Variants in CNTN4 observed in about 807,000 individuals in gnomAD.
CNTN4 encodes contactin 4, also known as contactin-4.
CNTN4 carries 77 observed loss-of-function variants against 122.5 expected under a neutral mutation model. The ratio of observed to expected loss-of-function variants is 0.63; its 90% confidence interval spans 0.52 to 0.76. The LOEUF (loss-of-function observed/expected upper bound fraction) is 0.76, where lower values mean the gene tolerates loss of function less well. Among genes scored for constraint, CNTN4 ranks in the 30% least tolerant of loss-of-function variants. The probability of loss-of-function intolerance (pLI) is 0.00; values close to 1 mark genes in which losing one functional copy is unlikely to be tolerated. For missense variants in CNTN4, 1,256 were observed against 1,259.1 expected (o/e 1.00, Z 0.04); for synonymous variants, 512 against 447.0 (o/e 1.15, Z -1.83).
intron 8 of CNTN4, among the ~76,000 whole-genome samples, chr3:2,867,257 G>A (rs1481550847): frequency 6.6e-6 from 1 of 152,148 alleles, no homozygotes; most frequent in East Asian, 1.9e-4. Flanking sequence ...TACACAGTCA[G>A]AATGAAGTGA....
chr3:2,588,808 G>T (rs969395592), intron 4 of CNTN4, among the ~76,000 whole-genome samples: 27 of 142,198 alleles, frequency 1.9e-4, no homozygotes, highest in African/African-American at 6.4e-4. Flanking sequence ...AAAAAAAAAA[G>T]TGGATGCTGT....
chr3:2,331,244 ACTTATTTTCCTT>A (rs1291271841), intron 2 of CNTN4, among the ~76,000 whole-genome samples: 1 of 152,160 alleles, frequency 6.6e-6, no homozygotes, highest in East Asian at 1.9e-4. Flanking sequence ...TTTTGAAGAT[ACTTATTTTCCTT>A]CTTTGTTTCT....
Position 3,056,169 on chromosome 3 carries a change from G to A in CNTN4, c.3030G>A (p.Leu1010=). 6.2e-7 allele frequency: 1 copy of A among 1,614,138 alleles called. No homozygotes were observed. Among genetic ancestry groups the A allele is most frequent in the East Asian group, 2.2e-5 (1 of 44,884 alleles). ...SGASTSNACT[L]SAISTIMISL... ...CTTCCACTTCGAATGCATGTACGCTGTCAGCCATCAGTACAATAATGATTT... is the reference window on the plus strand; with the variant it reads ...CTTCCACTTCGAATGCATGTACGCTATCAGCCATCAGTACAATAATGATTT... Residue 1010 remains leucine (L), a synonymous_variant, in exon 25 of 25, where the codon CTG becomes CTA. Coordinates refer to ENST00000418658, the MANE Select transcript of CNTN4 (RefSeq NM_175607.3).
chr3:2,768,057 G>C (rs1008956603), intron 6 of CNTN4, among the ~76,000 whole-genome samples: 2 of 152,228 alleles, frequency 1.3e-5, no homozygotes, highest in Non-Finnish European at 2.9e-5. Flanking sequence ...AAAATGGTCA[G>C]AGTGGCAGTT....
intron 4 of CNTN4, among the ~76,000 whole-genome samples, chr3:2,607,041 A>G (rs188498887): frequency 6.6e-5 from 10 of 152,302 alleles, no homozygotes; most frequent in Non-Finnish European, 1.0e-4. Context: ...TTTTTAGGAC[A>G]CATTTAATCT....
intron 4 of CNTN4, among the ~76,000 whole-genome samples, chr3:2,693,750 A>C (rs1488717385): frequency 6.6e-6 from 1 of 152,178 alleles, no homozygotes; most frequent in Non-Finnish European, 1.5e-5. Flanking sequence ...TATGAATCAG[A>C]GCACACCGAG....
chr3:2,964,436 T>C (rs1165252630), intron 13 of CNTN4, among the ~76,000 whole-genome samples: 4 of 152,174 alleles, frequency 2.6e-5, no homozygotes, highest in African/African-American at 9.6e-5. Flanking sequence ...CATTCATTGA[T>C]CTCTAAAATT....
chr3:2,375,823 A>C (rs149697318), intron 3 of CNTN4, among the ~76,000 whole-genome samples: 1 of 152,092 alleles, frequency 6.6e-6, no homozygotes, highest in Non-Finnish European at 1.5e-5. Context: ...TAAATCATCC[A>C]TGCCTCTGAA....
At chr3:2,313,483 A>G (rs11129096) in intron 2 of CNTN4, among the ~76,000 whole-genome samples, 98,287 of 151,728 alleles carry the variant, frequency 0.65, 31,943 homozygotes, top group South Asian at 0.71. Context: ...AAGCAATTTT[A>G]TGGTAAAAAA....
intron 13 of CNTN4, among the ~76,000 whole-genome samples, chr3:2,961,128 G>A (rs1161876880): frequency 1.3e-4 from 19 of 140,842 alleles, no homozygotes; most frequent in Non-Finnish European, 2.5e-4. Context: ...TACTCGGGAG[G>A]CTGAGGCAGG....
intron 4 of CNTN4, among the ~76,000 whole-genome samples, chr3:2,683,765 C>T (rs1257815827): frequency 1.3e-5 from 2 of 152,126 alleles, no homozygotes; most frequent in Non-Finnish European, 2.9e-5. Flanking sequence ...TCTGTTCCTT[C>T]CCTAGGAGTG....
In CNTN4 at chr3:2,169,555, G is replaced by T. The variant is rs191836861; in HGVS notation, c.-145+68916G>T. Reference sequence around the variant, plus strand: ...CCGAGTAGCTGGGACTACAGGCGCCGCCACCACGCCCGGCTGATTTTTTTG... The same window carrying T: ...CCGAGTAGCTGGGACTACAGGCGCCTCCACCACGCCCGGCTGATTTTTTTG... On this transcript the variant is annotated intron_variant, in intron 2 of 24. Transcript: ENST00000418658. Among the ~76,000 whole-genome samples the T allele has an allele frequency of 3.7e-3, 514 of 138,180 alleles. 2 individuals carry two copies. Among genetic ancestry groups the T allele is most frequent in the Middle Eastern group, 0.022 (6 of 268 alleles). The allele number at this position is 138,180 out of a possible 152,430, so 90.7% of individuals were successfully genotyped here. A position where few individuals can be genotyped will look rare whatever the true frequency, so the allele number is the denominator to read the frequency against.
intron 7 of CNTN4, among the ~76,000 whole-genome samples, chr3:2,833,579 C>G (rs550621866): frequency 6.6e-6 from 1 of 151,810 alleles, no homozygotes; most frequent in African/African-American, 2.4e-5. Flanking sequence ...ATTGTACTTT[C>G]TCATGTTTGA....
At chr3:2,695,489 G>T (rs2085977370) in intron 4 of CNTN4, among the ~76,000 whole-genome samples, 3 of 152,120 alleles carry the variant, frequency 2.0e-5, no homozygotes, top group Admixed American at 1.3e-4. Context: ...TTTCCAAATT[G>T]CTGTTTGTTT....
chr3:2,238,431 A>G (rs2039767104), intron 2 of CNTN4, among the ~76,000 whole-genome samples: 1 of 152,160 alleles, frequency 6.6e-6, no homozygotes, highest in African/African-American at 2.4e-5. Flanking sequence ...TGAATAATAG[A>G]AAATTTTTAA....
chr3:2,598,089 C>T (rs1007440625), intron 4 of CNTN4, among the ~76,000 whole-genome samples: 1 of 152,184 alleles, frequency 6.6e-6, no homozygotes, highest in African/African-American at 2.4e-5. Context: ...GAGGTTGCAG[C>T]ACACTGTGAA....
At chr3:2,294,394 G>A (rs1427975993) in intron 2 of CNTN4, among the ~76,000 whole-genome samples, 2 of 151,534 alleles carry the variant, frequency 1.3e-5, no homozygotes, top group African/African-American at 4.9e-5. Flanking sequence ...ACTCTGGGAG[G>A]CCAAAGCTGG....
At position 2,882,286 on chromosome 3, in the gene CNTN4, A is replaced by G. The variant is rs141989488; in HGVS notation, c.653-859A>G. On this transcript the variant is annotated intron_variant, in intron 8 of 24. Transcript: ENST00000418658. ...GAGGCTGAAGCAGGAGAATCGCTTG[A>G]ACCCGGAAGGCAGAGATTGCAGTGA... 9.3e-3 allele frequency among the ~76,000 whole-genome samples: 1,419 copies of G among 152,220 alleles called. 20 individuals are homozygous for G. The highest frequency in any genetic ancestry group is 0.032 in the African/African-American group (1,346 of 41,526).
chr3:2,492,484 G>A (rs567496778), intron 3 of CNTN4, among the ~76,000 whole-genome samples: 324 of 152,254 alleles, frequency 2.1e-3, no homozygotes, highest in African/African-American at 7.5e-3. Context: ...GACAGAACGA[G>A]AGAGCAGATT....
Sources: allele counts gnomAD v4.1 joint callset (sites outside exome capture counted in the v4.1 genomes callset), GRCh38; gene constraint gnomAD v4.1.1; transcripts MANE v1.5; gene names NCBI Gene and HGNC (gene_info 2026-07-23, HGNC 2026-07-21).